Variants in SEMA3D observed in about 807,000 individuals in gnomAD.
SEMA3D encodes the protein semaphorin-3D.
Under a neutral mutation model 100.1 loss-of-function variants are expected in SEMA3D, and 84 were observed. The ratio of observed to expected loss-of-function variants is 0.84; its 90% CI spans 0.70 to 1.01. The LOEUF is 1.01. SEMA3D is among the 50% of genes least tolerant of loss of function. The pLI, the probability that SEMA3D is intolerant of heterozygous loss-of-function variation, is 0.00. For missense variants in SEMA3D, 875 were observed against 934.1 expected, an observed-to-expected ratio of 0.94 and a Z score of 0.82; for synonymous variants, 312 against 320.7, an observed-to-expected ratio of 0.97 and a Z score of 0.29.
chr7:85,224,930 A>G, the SEMA3D span, among the ~76,000 whole-genome samples: 30 of 151,432 alleles, frequency 2.0e-4, 1 homozygote, highest in East Asian at 5.3e-3. Flanking sequence ...AGCAGTTTGT[A>G]TCATGAAAAC....
intron 11 of SEMA3D, among the ~76,000 whole-genome samples, chr7:85,039,220 G>A (rs1327619087): frequency 1.3e-5 from 2 of 152,110 alleles, no homozygotes; most frequent in Non-Finnish European, 2.9e-5. Flanking sequence ...AATTAAGTCT[G>A]TGGGGCCCCC....
chr7:85,171,138 A>G (rs2116546720), intron 1 of SEMA3D, among the ~76,000 whole-genome samples: 1 of 152,180 alleles, frequency 6.6e-6, no homozygotes, highest in Admixed American at 6.6e-5. Flanking sequence ...TTGTGCATAC[A>G]AAGTCACAAC....
chr7:85,071,015 G>GGT (rs1423523476), intron 6 of SEMA3D, among the ~76,000 whole-genome samples: 1 of 152,058 alleles, frequency 6.6e-6, no homozygotes, highest in Admixed American at 6.6e-5. Flanking sequence ...GCTGAGCTCT[G>GGT]GTGATCTGCC....
intron 4 of SEMA3D, among the ~76,000 whole-genome samples, chr7:85,081,966 G>A (rs1466556653): frequency 1.3e-5 from 2 of 152,176 alleles, no homozygotes; most frequent in African/African-American, 4.8e-5. Context: ...CATGTGCCAT[G>A]AAGTGTTAGA....
rs147788437 is a variant in SEMA3D at position 85,072,998 on chromosome 7, T to C, written c.459A>G (p.Pro153=). 26 of 1,610,964 alleles carry C rather than the reference T, an allele frequency of 1.6e-5. No individual in the cohort carries two copies. Among genetic ancestry groups the C allele is most frequent in the Admixed American group, 1.7e-5 (1 of 59,780 alleles). Residue 153 remains proline (P), a synonymous_variant, in exon 6 of 19, where the codon CCA becomes CCG. Transcript: ENST00000284136. ...IYVCGTGAFH[P]ICGYIDLGVY... is the part of the protein sequence containing the mutation. ...CTCCAAGATCAATATACCCACATATTGGATGAAATGCTCCAGTTCCACACA... is the reference window on the plus strand; with the variant it reads ...CTCCAAGATCAATATACCCACATATCGGATGAAATGCTCCAGTTCCACACA...
At chr7:85,019,555 A>C (rs1790197122) in intron 14 of SEMA3D, among the ~76,000 whole-genome samples, 1 of 151,814 alleles carries the variant, frequency 6.6e-6, no homozygotes, top group South Asian at 2.1e-4. Flanking sequence ...TGTCTCAATA[A>C]AAATGTTATA....
chr7:85,108,807 A>T (rs901271071), intron 3 of SEMA3D, among the ~76,000 whole-genome samples: 1 of 151,852 alleles, frequency 6.6e-6, no homozygotes, highest in African/African-American at 2.4e-5. Context: ...TACATCTCTA[A>T]CTAGCTTATT....
At chr7:85,038,622 T>C (rs1236839562) in intron 11 of SEMA3D, among the ~76,000 whole-genome samples, 1 of 152,184 alleles carries the variant, frequency 6.6e-6, no homozygotes, top group Non-Finnish European at 1.5e-5. Flanking sequence ...ATCTTGGGGC[T>C]ATATTTTCCT....
intron 1 of SEMA3D, among the ~76,000 whole-genome samples, chr7:85,167,865 C>T (rs1353526904): frequency 6.6e-6 from 1 of 151,774 alleles, no homozygotes; most frequent in Non-Finnish European, 1.5e-5. Context: ...GTGACCACAT[C>T]AAGAAAGCAT....
At chr7:85,003,498 C>T (rs1789710633) in intron 18 of SEMA3D, among the ~76,000 whole-genome samples, 1 of 151,824 alleles carries the variant, frequency 6.6e-6, no homozygotes, top group Admixed American at 6.6e-5. Flanking sequence ...TTAAGCATAA[C>T]AGGTGAGATA....
intron 15 of SEMA3D, among the ~76,000 whole-genome samples, chr7:85,016,916 C>T (rs1195576021): frequency 6.6e-6 from 1 of 150,790 alleles, no homozygotes. Flanking sequence ...ATCCAAGCAT[C>T]CAGGGGCTTT....
At chr7:85,140,850 TAAAAA>T in intron 2 of SEMA3D, 1 of 834,974 alleles carries the variant, frequency 1.2e-6, no homozygotes, top group Non-Finnish European at 1.4e-6. Flanking sequence ...ATTCTACCAT[TAAAAA>T]AATGGTAGGT....
At chr7:85,072,671 A>T (rs1198515871) in intron 6 of SEMA3D, among the ~76,000 whole-genome samples, 1 of 152,236 alleles carries the variant, frequency 6.6e-6, no homozygotes, top group Non-Finnish European at 1.5e-5. Context: ...ATGATAGTCC[A>T]TAGAATGGCT....
intron 12 of SEMA3D, among the ~76,000 whole-genome samples, chr7:85,024,384 G>T (rs1427770190): frequency 6.6e-6 from 1 of 151,944 alleles, no homozygotes; most frequent in Non-Finnish European, 1.5e-5. Flanking sequence ...TAGTTGTGCA[G>T]TAGCCAAAGT....
chr7:85,196,234 G>A, the SEMA3D span, among the ~76,000 whole-genome samples: 26 of 152,096 alleles, frequency 1.7e-4, no homozygotes, highest in South Asian at 4.1e-4. Flanking sequence ...TTGGAGACCC[G>A]TAATACAAAT....
intron 4 of SEMA3D, among the ~76,000 whole-genome samples, chr7:85,084,908 T>C (rs1788173161): frequency 6.6e-6 from 1 of 152,226 alleles, no homozygotes; most frequent in African/African-American, 2.4e-5. Flanking sequence ...TTTCTGTTCC[T>C]GTGTTAGTTT....
the SEMA3D span, among the ~76,000 whole-genome samples, chr7:85,221,021 C>T: frequency 6.6e-6 from 1 of 152,010 alleles, no homozygotes; most frequent in South Asian, 2.1e-4. Context: ...ATGAGGGAGT[C>T]CAAAGGACCT....
chr7:85,214,050 T>C, the SEMA3D span, among the ~76,000 whole-genome samples: 1 of 152,176 alleles, frequency 6.6e-6, no homozygotes, highest in African/African-American at 2.4e-5. Context: ...TGCACAATCC[T>C]ATATATTGAT....
intron 8 of SEMA3D, among the ~76,000 whole-genome samples, chr7:85,056,675 C>A (rs557714651): frequency 2.7e-5 from 4 of 149,468 alleles, no homozygotes; most frequent in African/African-American, 9.8e-5. Flanking sequence ...AGCTTTAACA[C>A]CTCCAGTATT....
Sources: gnomAD v4.1 joint callset for allele counts (sites outside exome capture counted in the v4.1 genomes callset) on GRCh38, gnomAD v4.1.1 for gene constraint, MANE v1.5 for transcripts, NCBI Gene and HGNC (gene_info 2026-07-23, HGNC 2026-07-21) for gene names.